EGFLAM: variants seen among roughly 807,000 people sequenced by gnomAD.
EGFLAM encodes the protein EGF like, fibronectin type III and laminin G domains.
Under a neutral mutation model 113.1 loss-of-function variants are expected in EGFLAM, and 79 were observed. That is an observed-to-expected ratio of 0.70 (90% CI 0.58 to 0.84). The LOEUF is 0.84. Ranked by LOEUF, EGFLAM falls within the 40% of genes least tolerant of loss-of-function variation. The pLI is 0.00. For synonymous variants in EGFLAM, 504 were observed against 487.6 expected (o/e 1.03, Z -0.44); for missense variants, 1,265 against 1,291.6 (o/e 0.98, Z 0.32).
At chr5:38,271,304 A>G (rs944835643) in intron 1 of EGFLAM, among the ~76,000 whole-genome samples, 1 of 152,182 alleles carries the variant, frequency 6.6e-6, no homozygotes, top group African/African-American at 2.4e-5. Flanking sequence ...AATGTAAAAG[A>G]TGCTATTTCT....
chr5:38,263,330 C>A (rs556651004), intron 1 of EGFLAM, among the ~76,000 whole-genome samples: 1 of 152,062 alleles, frequency 6.6e-6, no homozygotes, highest in South Asian at 2.1e-4. Context: ...GGCTTGGTGG[C>A]GCGTGCCTGT....
At chr5:38,267,799 A>G (rs955635715) in intron 1 of EGFLAM, among the ~76,000 whole-genome samples, 1 of 152,228 alleles carries the variant, frequency 6.6e-6, no homozygotes, top group Non-Finnish European at 1.5e-5. Flanking sequence ...GAACTTTACT[A>G]TGACGTTCCA....
chr5:38,259,530 T>C (rs907511398), intron 1 of EGFLAM, among the ~76,000 whole-genome samples: 2 of 152,262 alleles, frequency 1.3e-5, no homozygotes, highest in African/African-American at 4.8e-5. Flanking sequence ...TAGCTGCATA[T>C]AGGTAAAAAG....
At chr5:38,302,111 C>T (rs767688944) in intron 1 of EGFLAM, among the ~76,000 whole-genome samples, 2 of 151,994 alleles carry the variant, frequency 1.3e-5, no homozygotes, top group Non-Finnish European at 2.9e-5. Flanking sequence ...GTGACGGGCA[C>T]CTGTAATCTC....
chr5:38,336,592 CACACACAG>C (rs1554048278), intron 1 of EGFLAM, among the ~76,000 whole-genome samples: 3 of 151,648 alleles, frequency 2.0e-5, no homozygotes, highest in East Asian at 3.9e-4. Flanking sequence ...CACACACACA[CACACACAG>C]ACACACAGAC....
intron 17 of EGFLAM, among the ~76,000 whole-genome samples, chr5:38,440,563 A>G (rs1000495091): frequency 6.6e-6 from 1 of 152,220 alleles, no homozygotes; most frequent in African/African-American, 2.4e-5. Context: ...AAGAGAATAC[A>G]TAGAAAGTTT....
chr5:38,364,560 G>C (rs917106561), intron 5 of EGFLAM, among the ~76,000 whole-genome samples: 7 of 152,264 alleles, frequency 4.6e-5, no homozygotes, highest in African/African-American at 1.7e-4. Context: ...CCTTATAAAG[G>C]TGCCCATCTA....
At chr5:38,425,246 C>T (rs565704276) in intron 13 of EGFLAM, among the ~76,000 whole-genome samples, 154 bp downstream of exon 13, 40 of 152,294 alleles carry the variant, frequency 2.6e-4, no homozygotes, top group Admixed American at 2.0e-3. Flanking sequence ...TGGCGCATCT[C>T]GGCTCACTGC....
At chr5:38,273,453 G>T (rs1450009438) in intron 1 of EGFLAM, among the ~76,000 whole-genome samples, 2 of 152,248 alleles carry the variant, frequency 1.3e-5, no homozygotes, top group Non-Finnish European at 2.9e-5. Context: ...GCCTCAGAAG[G>T]TGTGACTTTT....
rs773835761 is a variant in EGFLAM, at chr5:38,427,079, G to A, written c.1881G>A (p.Glu627=). 85 of 1,613,964 alleles carry A rather than the reference G, an allele frequency of 5.3e-5. No homozygotes were observed. The highest frequency in any genetic ancestry group is 7.2e-5 in the Non-Finnish European group (85 of 1,180,032). Residue 627 remains glutamate, a synonymous_variant, in exon 14 of 22, where the codon GAG becomes GAA. Transcript: ENST00000322350. The part of the protein sequence containing the change: ...RSYAATPWPL[E]PQHYLSFMEF... Reference sequence around the variant, plus strand: ...ACGCTGCAACTCCCTGGCCACTGGAGCCCCAGCATTACCTTTCCTTCATGG... The same window carrying A: ...ACGCTGCAACTCCCTGGCCACTGGAACCCCAGCATTACCTTTCCTTCATGG...
intron 1 of EGFLAM, among the ~76,000 whole-genome samples, chr5:38,266,255 C>T (rs1439238778): frequency 1.3e-5 from 2 of 152,178 alleles, no homozygotes; most frequent in African/African-American, 4.8e-5. Flanking sequence ...TTTTGATATT[C>T]CACACATTGG....
chr5:38,339,557 G>C (rs1463628311), intron 3 of EGFLAM, among the ~76,000 whole-genome samples: 1 of 152,180 alleles, frequency 6.6e-6, no homozygotes, highest in East Asian at 1.9e-4. Flanking sequence ...ATCACTTATT[G>C]AGCATCTGTT....
intron 17 of EGFLAM, among the ~76,000 whole-genome samples, chr5:38,443,769 C>CTT (rs11320853): frequency 0.033 from 4,388 of 133,208 alleles, 262 homozygotes; most frequent in African/African-American, 0.12. Flanking sequence ...CCCTTCAACT[C>CTT]TTTTTTTTTT....
intron 1 of EGFLAM, among the ~76,000 whole-genome samples, chr5:38,262,258 G>A (rs1393199452): frequency 6.6e-6 from 1 of 152,188 alleles, no homozygotes; most frequent in East Asian, 1.9e-4. Context: ...AAGAAGGGAG[G>A]GGAAATCCAG....
chr5:38,394,808 C>T (rs1740915051), intron 6 of EGFLAM, among the ~76,000 whole-genome samples: 1 of 149,906 alleles, frequency 6.7e-6, no homozygotes, highest in Non-Finnish European at 1.5e-5. Context: ...TTACTCTTTC[C>T]TTCTTTTTCT....
chr5:38,356,199 TG>T (rs1237499108), intron 5 of EGFLAM, among the ~76,000 whole-genome samples: 2 of 152,248 alleles, frequency 1.3e-5, no homozygotes, highest in Non-Finnish European at 2.9e-5. Flanking sequence ...GAATTCCAAA[TG>T]GAACATGGGA....
chr5:38,417,295 C>A (rs1052026997), intron 11 of EGFLAM, among the ~76,000 whole-genome samples: 1 of 138,372 alleles, frequency 7.2e-6, no homozygotes, highest in African/African-American at 2.7e-5. Flanking sequence ...TTACGGTGAG[C>A]CAGGATGGTG....
intron 1 of EGFLAM, among the ~76,000 whole-genome samples, chr5:38,335,988 C>T (rs1018700875): frequency 5.9e-5 from 9 of 152,128 alleles, no homozygotes; most frequent in African/African-American, 2.2e-4. Context: ...GTGCTTTTAC[C>T]ATTACTCGTT....
intron 5 of EGFLAM, among the ~76,000 whole-genome samples, chr5:38,352,798 C>T (rs1228040851): frequency 1.3e-5 from 2 of 152,178 alleles, no homozygotes; most frequent in Non-Finnish European, 2.9e-5. Context: ...CAGTAATGAT[C>T]TCCACACATC....
Sources: gnomAD v4.1 joint callset for allele counts (sites outside exome capture counted in the v4.1 genomes callset) on GRCh38, gnomAD v4.1.1 for gene constraint, MANE v1.5 for transcripts, NCBI Gene and HGNC (gene_info 2026-07-23, HGNC 2026-07-21) for gene names.